The following PHLPP1 variants were observed in gnomAD, a reference collection of about 807,000 sequenced individuals.
PHLPP1 encodes the protein PH domain and leucine rich repeat protein phosphatase 1.
Under a neutral mutation model 117.2 loss-of-function variants are expected in PHLPP1, and 42 were observed. That is an observed-to-expected ratio of 0.36 (90% confidence interval 0.28 to 0.46). PHLPP1 has a LOEUF of 0.46. PHLPP1 is among the 20% of genes least tolerant of loss of function. PHLPP1 has a pLI of 1.00. For missense variants in PHLPP1, 2,084 were observed against 2,241.9 expected (o/e 0.93, Z 1.42); for synonymous variants, 1,042 against 970.7 (o/e 1.07, Z -1.37).
chr18:62,853,170 G>A (rs1472603020), intron 3 of PHLPP1, among the ~76,000 whole-genome samples: 2 of 152,036 alleles, frequency 1.3e-5, no homozygotes, highest in East Asian at 1.9e-4. Context: ...AATATTTTGA[G>A]GACCAAATGA....
chr18:62,951,853 C>T (rs545772752), intron 12 of PHLPP1, among the ~76,000 whole-genome samples: 3 of 138,236 alleles, frequency 2.2e-5, no homozygotes, highest in East Asian at 2.1e-4. Flanking sequence ...GTCTTGCTGT[C>T]GCCCAGGCTC....
intron 1 of PHLPP1, among the ~76,000 whole-genome samples, chr18:62,798,279 T>G (rs1306929681): frequency 6.6e-6 from 1 of 152,246 alleles, no homozygotes; most frequent in African/African-American, 2.4e-5. Flanking sequence ...TATTATGTTT[T>G]ATAAATTATT....
chr18:62,783,466 G>A (rs186350610), intron 1 of PHLPP1, among the ~76,000 whole-genome samples: 4 of 152,066 alleles, frequency 2.6e-5, no homozygotes, highest in African/African-American at 7.2e-5. Flanking sequence ...CTGACCTCGT[G>A]ATCTGCCCGC....
Position 62,895,874 on chromosome 18 carries a change from C to T in PHLPP1, c.2307C>T (p.Phe769=). Residue 769 remains phenylalanine, a synonymous_variant, in exon 6 of 17, where the codon TTC becomes TTT. Transcript: ENST00000262719. The stretch of plus-strand genomic sequence containing the variant: ...AGCTTAGTTATCTGGGTCTTTCTTT[C>T]AATGAATTTACTGACATTCCCGAAG... ...MKQLSYLGLS[F]NEFTDIPEVL... 6.2e-7 allele frequency: 1 copy of T among 1,613,082 alleles called. No homozygotes were observed. Among genetic ancestry groups the T allele is most frequent in the Non-Finnish European group, 8.5e-7 (1 of 1,179,074 alleles).
At chr18:62,824,490 TA>T (rs1474002258) in intron 1 of PHLPP1, among the ~76,000 whole-genome samples, 1 of 151,980 alleles carries the variant, frequency 6.6e-6, no homozygotes. Flanking sequence ...TGGAGGGATA[TA>T]GGGGGAGGGA....
At chr18:62,770,806 C>A (rs1304521502) in intron 1 of PHLPP1, among the ~76,000 whole-genome samples, 3 of 152,218 alleles carry the variant, frequency 2.0e-5, no homozygotes, top group East Asian at 3.9e-4. Context: ...CAAGTCTGAA[C>A]ACAAAGTTCA....
chr18:62,787,805 G>C (rs956289101), intron 1 of PHLPP1, among the ~76,000 whole-genome samples: 1 of 152,146 alleles, frequency 6.6e-6, no homozygotes, highest in Admixed American at 6.5e-5. Flanking sequence ...TGGGGGATAG[G>C]AATATGCTGT....
Position 62,903,248 on chromosome 18 carries a change from C to T in PHLPP1, c.2647+82C>T, listed in dbSNP as rs1418244541. ...ATCATTATTTCTGCTTCTGATTATT[C>T]TTTGCTCAAGTAGTTAGTAAAATAG... On this transcript the variant is annotated intron_variant, in intron 7 of 16. Transcript: ENST00000262719. 9.2e-6 allele frequency: 9 copies of T among 973,802 alleles called. No homozygotes were observed. The East Asian group carries it at 2.2e-4, about 23-fold the overall frequency. The allele number at this position is 973,802 out of a possible 1,614,324, so 60.3% of individuals were successfully genotyped here.
chr18:62,915,063 A>G (rs1423630850), intron 9 of PHLPP1, 55 bp downstream of exon 9: 8 of 1,306,522 alleles, frequency 6.1e-6, no homozygotes, highest in Admixed American at 4.0e-5. Flanking sequence ...AATTTTAAAA[A>G]TTGCTGATTC....
At chr18:62,952,633 T>C (rs901115520) in intron 12 of PHLPP1, among the ~76,000 whole-genome samples, 2 of 152,180 alleles carry the variant, frequency 1.3e-5, no homozygotes, top group African/African-American at 4.8e-5. Context: ...TATACAAATA[T>C]GATTTTTTTA....
chr18:62,729,989 CA>C (rs1911183811), intron 1 of PHLPP1, among the ~76,000 whole-genome samples: 1 of 152,170 alleles, frequency 6.6e-6, no homozygotes, highest in African/African-American at 2.4e-5. Flanking sequence ...GTTATCACCC[CA>C]GTATTACAGA....
chr18:62,754,087 G>C (rs892321906), intron 1 of PHLPP1, among the ~76,000 whole-genome samples: 3 of 152,206 alleles, frequency 2.0e-5, no homozygotes, highest in Non-Finnish European at 4.4e-5. Flanking sequence ...CTGTTCTTCT[G>C]AACTGCTTTA....
chr18:62,979,625 A>G lies in PHLPP1; in HGVS notation c.*194A>G. The G allele has an allele frequency of 1.7e-6, 1 of 604,648 alleles. No homozygotes were observed. Among genetic ancestry groups the G allele is most frequent in the South Asian group, 2.1e-5 (1 of 47,560 alleles). 37.5% of individuals were successfully genotyped at this position (604,648 alleles called of 1,614,324 possible). On this transcript the variant is annotated 3_prime_UTR_variant, in exon 17 of 17. Transcript: ENST00000262719. ...AAGTAATCACCACTTTCTTCTAGTGATGCTTTACCAATATGATTTACATTT... is the reference window on the plus strand; with the variant it reads ...AAGTAATCACCACTTTCTTCTAGTGGTGCTTTACCAATATGATTTACATTT...
At chr18:62,903,210 G>A (rs371191460) in intron 7 of PHLPP1, 44 bp downstream of exon 7, 45 of 1,266,714 alleles carry the variant, frequency 3.6e-5, no homozygotes, top group Admixed American at 5.2e-5. Flanking sequence ...TTGGTTCCAG[G>A]AATTTACCCA....
rs568424126 is a variant in PHLPP1, at chr18:62,730,505, GAAAA to G, written c.1576+13252_1576+13255del. 4.2e-3 allele frequency among the ~76,000 whole-genome samples: 634 copies of G among 150,332 alleles called. 4 individuals are homozygous for G. The highest frequency in any genetic ancestry group is 7.5e-3 in the Non-Finnish European group (505 of 67,482). ...CAGCCTCATTTATTAGAGAGAGAGA[GAAAA>G]AAAAAGGTGATTTTAAAAAAATCTG... On this transcript the variant is annotated intron_variant, in intron 1 of 16. Coordinates refer to ENST00000262719, the MANE Select transcript of PHLPP1 (RefSeq NM_194449.4).
rs935526893 is a variant in PHLPP1 at position 62,812,386 on chromosome 18, T to C, written c.1577-17649T>C. Among the ~76,000 whole-genome samples, 4 of 152,198 alleles carry C rather than the reference T, an allele frequency of 2.6e-5. No homozygotes were observed. The South Asian group carries it at 8.3e-4, about 31-fold the overall frequency. ...GCTGTGGAGCTGTCTAGCGTCATCA[T>C]CCTGATTTCCACACACACAGCAGTG... On this transcript the variant is annotated intron_variant, in intron 1 of 16. Coordinates refer to ENST00000262719, the MANE Select transcript of PHLPP1 (RefSeq NM_194449.4).
At chr18:62,725,314 T>C (rs1331915265) in intron 1 of PHLPP1, among the ~76,000 whole-genome samples, 1 of 149,076 alleles carries the variant, frequency 6.7e-6, no homozygotes, top group Admixed American at 6.8e-5. Context: ...GAGCCAACAT[T>C]GCACCACTGC....
intron 10 of PHLPP1, among the ~76,000 whole-genome samples, chr18:62,929,122 G>T (rs1431214746): frequency 1.3e-5 from 2 of 151,954 alleles, no homozygotes; most frequent in Admixed American, 1.3e-4. Flanking sequence ...AATTTAAAAG[G>T]GTATATTTTA....
chr18:62,748,500 G>A (rs1202710611), intron 1 of PHLPP1, among the ~76,000 whole-genome samples: 3 of 152,134 alleles, frequency 2.0e-5, no homozygotes, highest in Non-Finnish European at 4.4e-5. Flanking sequence ...GCCGGCCTTG[G>A]CCACCAAAGT....
Sources: gnomAD v4.1 joint callset for allele counts (sites outside exome capture counted in the v4.1 genomes callset) on GRCh38, gnomAD v4.1.1 for gene constraint, MANE v1.5 for transcripts, NCBI Gene and HGNC (gene_info 2026-07-23, HGNC 2026-07-21) for gene names.